Variants in MRPL1 observed in about 807,000 individuals in gnomAD.
The protein encoded by MRPL1 is large ribosomal subunit protein uL1m.
MRPL1 carries 28 observed loss-of-function variants against 38.0 expected under a neutral mutation model. That is an observed-to-expected ratio of 0.74 (90% confidence interval 0.55 to 1.01). The LOEUF is 1.01. Among genes scored for constraint, MRPL1 ranks in the 50% least tolerant of loss-of-function variants. MRPL1 has a pLI of 0.00. For synonymous variants in MRPL1, 123 were observed against 126.7 expected, an observed-to-expected ratio of 0.97 and a Z score of 0.20; for missense variants, 358 against 389.8, an observed-to-expected ratio of 0.92 and a Z score of 0.69.
At chr4:77,948,272 A>G (rs1209481457) in intron 7 of MRPL1, among the ~76,000 whole-genome samples, 3 of 152,170 alleles carry the variant, frequency 2.0e-5, no homozygotes, top group East Asian at 1.9e-4. Context: ...AAGAAGGACA[A>G]TTTGAGGTAA....
intron 8 of MRPL1, among the ~76,000 whole-genome samples, chr4:77,951,972 A>G (rs974202496): frequency 6.6e-6 from 1 of 152,246 alleles, no homozygotes; most frequent in African/African-American, 2.4e-5. Context: ...TAAAATAAAA[A>G]TGGGCAAAGT....
intron 7 of MRPL1, among the ~76,000 whole-genome samples, chr4:77,947,817 A>G (rs1737306251): frequency 6.6e-6 from 1 of 152,248 alleles, no homozygotes; most frequent in African/African-American, 2.4e-5. Context: ...AATATCTAAA[A>G]TAAAAAGTAT....
intron 7 of MRPL1, 29 bp downstream of exon 7, chr4:77,909,401 T>G (rs1304219850): frequency 7.7e-7 from 1 of 1,298,614 alleles, no homozygotes; most frequent in East Asian, 2.3e-5. Context: ...TATCAAATAA[T>G]CCTCTTTTTT....
intron 7 of MRPL1, among the ~76,000 whole-genome samples, chr4:77,940,961 T>G (rs1319500433): frequency 1.3e-5 from 2 of 152,160 alleles, no homozygotes; most frequent in Non-Finnish European, 2.9e-5. Context: ...TGTTAAGGAT[T>G]TTTGCATCTA....
At chr4:77,928,954 A>G (rs548578280) in intron 7 of MRPL1, among the ~76,000 whole-genome samples, 1 of 152,350 alleles carries the variant, frequency 6.6e-6, no homozygotes, top group South Asian at 2.1e-4. Context: ...TTTGAGAGAA[A>G]TAGCTAACTT....
chr4:77,925,657 G>T (rs1736697682), intron 7 of MRPL1, among the ~76,000 whole-genome samples: 3 of 142,190 alleles, frequency 2.1e-5, no homozygotes, highest in Non-Finnish European at 3.1e-5. Flanking sequence ...GATTTGTGAG[G>T]TTTTTTTTTT....
At chr4:77,878,433 C>T (rs573984169) in intron 2 of MRPL1, among the ~76,000 whole-genome samples, 3 of 152,118 alleles carry the variant, frequency 2.0e-5, no homozygotes, top group East Asian at 1.9e-4. Context: ...CTGTTTAGTT[C>T]GTTTTAGTTT....
chr4:77,931,070 AAGCCC>A (rs1252691936), intron 7 of MRPL1, among the ~76,000 whole-genome samples: 3 of 152,244 alleles, frequency 2.0e-5, no homozygotes, highest in African/African-American at 7.2e-5. Flanking sequence ...CACATTCTCC[AAGCCC>A]ACTTTGTATA....
intron 7 of MRPL1, among the ~76,000 whole-genome samples, chr4:77,929,886 A>C (rs1474129294): frequency 6.6e-6 from 1 of 152,240 alleles, no homozygotes; most frequent in Non-Finnish European, 1.5e-5. Flanking sequence ...ATATAAATAC[A>C]TAATGTATAA....
intron 1 of MRPL1, among the ~76,000 whole-genome samples, chr4:77,867,644 C>A (rs959808007): frequency 5.2e-4 from 79 of 151,286 alleles, no homozygotes; most frequent in African/African-American, 1.8e-3. Context: ...CCTCAGTCTT[C>A]TGAAGTGCTG....
intron 7 of MRPL1, among the ~76,000 whole-genome samples, chr4:77,914,541 T>G (rs1421949178): frequency 6.6e-6 from 1 of 152,184 alleles, no homozygotes; most frequent in Non-Finnish European, 1.5e-5. Context: ...TTTTACAAAG[T>G]AGTAAAAAAC....
In MRPL1 at chr4:77,883,429, A is replaced by C. The variant is rs753420227; in HGVS notation, c.331A>C (p.Ile111Leu). The change falls in exon 3 of 9, where the codon ATT becomes CTT. Residue 111 changes from isoleucine (I) to leucine (L), a missense_variant. Transcript: ENST00000315567. ...TGTTCACTTACTTAAGAAATTTCAA[A>C]TTCTTGACTTTACTAGTCCAAAGCA... ...KAVHLLKKFQILDFTSPKQSV... is the reference protein window; with the variant it reads ...KAVHLLKKFQLLDFTSPKQSV... 6.2e-6 allele frequency: 10 copies of C among 1,613,858 alleles called. No homozygotes were observed. The South Asian group carries it at 1.1e-4, about 18-fold the overall frequency.
At chr4:77,925,525 G>T (rs959019960) in intron 7 of MRPL1, among the ~76,000 whole-genome samples, 3 of 151,598 alleles carry the variant, frequency 2.0e-5, no homozygotes, top group African/African-American at 7.3e-5. Flanking sequence ...TTCTTTTTAA[G>T]AACAGTTTTT....
intron 7 of MRPL1, among the ~76,000 whole-genome samples, chr4:77,936,812 G>A (rs1736992197): frequency 6.6e-6 from 1 of 152,114 alleles, no homozygotes; most frequent in Non-Finnish European, 1.5e-5. Context: ...ATGTACGAAT[G>A]TGGCATTGTT....
chr4:77,925,678 A>AAAGAGTTTC (rs1321070338), intron 7 of MRPL1, among the ~76,000 whole-genome samples: 1 of 151,068 alleles, frequency 6.6e-6, no homozygotes, highest in Non-Finnish European at 1.5e-5. Flanking sequence ...TTAAATGATG[A>AAAGAGTTTC]AAGAGTTTCA....
At chr4:77,882,061 C>T (rs1450903473) in intron 2 of MRPL1, among the ~76,000 whole-genome samples, 3 of 152,106 alleles carry the variant, frequency 2.0e-5, no homozygotes, top group African/African-American at 4.8e-5. Context: ...CAAACTTTGG[C>T]GAGTCAGCCA....
rs1187422535 is a variant in MRPL1 at position 77,894,231 on chromosome 4, AT to A, written c.652del (p.Tyr218IlefsTer28). 4 of 1,587,374 alleles carry A rather than the reference AT, an allele frequency of 2.5e-6. No homozygotes were observed. In the South Asian group the frequency reaches 4.6e-5, roughly 18 times the overall value. ...NRLRKKLNKK[Y>X]PKLSRNSIGR... Reference sequence around the variant, plus strand: ...GATTAAGGAAGAAACTGAATAAAAAATATCCAAAGCTTTCTCGAAGTAAGAG... The same window carrying A: ...GATTAAGGAAGAAACTGAATAAAAAAATCCAAAGCTTTCTCGAAGTAAGAG... On this transcript the variant is annotated frameshift_variant, in exon 6 of 9. Transcript: ENST00000315567. LOFTEE classifies it high-confidence loss of function.
At chr4:77,905,304 C>T (rs1736129521) in intron 6 of MRPL1, among the ~76,000 whole-genome samples, 1 of 151,848 alleles carries the variant, frequency 6.6e-6, no homozygotes, top group South Asian at 2.1e-4. Context: ...CGAGACCAGC[C>T]TGGCCAACCT....
chr4:77,936,543 C>G (rs1422615085), intron 7 of MRPL1, among the ~76,000 whole-genome samples: 1 of 152,164 alleles, frequency 6.6e-6, no homozygotes. Context: ...ATCCAGCTCT[C>G]CACCTGTTTT....
Sources: gnomAD v4.1 joint callset for allele counts (sites outside exome capture counted in the v4.1 genomes callset) on GRCh38, gnomAD v4.1.1 for gene constraint, MANE v1.5 for transcripts, NCBI Gene and HGNC (gene_info 2026-07-23, HGNC 2026-07-21) for gene names.